Variants in CCDC57 observed in about 807,000 individuals in gnomAD.
CCDC57 encodes coiled-coil domain-containing protein 57.
In CCDC57, 118 loss-of-function variants were observed where a neutral mutation model predicts 118.9. That is an observed-to-expected ratio of 0.99 (90% confidence interval 0.86 to 1.16). The LOEUF (loss-of-function observed/expected upper bound fraction) is 1.16, where lower values mean the gene tolerates loss of function less well. Among genes scored for constraint, CCDC57 ranks in the 50% most tolerant of loss-of-function variants. The pLI is 0.00. For missense variants in CCDC57, 1,300 were observed against 1,320.7 expected (o/e 0.98, Z 0.24); for synonymous variants, 527 against 532.9 (o/e 0.99, Z 0.15).
chr17:82,132,594 T>A lies in CCDC57; in HGVS notation c.2577+1479A>T, dbSNP rs138167448. 5.3e-3 allele frequency among the ~76,000 whole-genome samples: 804 copies of A among 152,154 alleles called. 10 individuals are homozygous for A. Among genetic ancestry groups the A allele is most frequent in the African/African-American group, 0.018 (758 of 41,480 alleles). ...TATAAGAAATTTCCTTCCTTCTTTG[T>A]TTTTTGGTAGAGACGGGGTCTCGCT... On this transcript the variant is annotated intron_variant, in intron 17 of 19. Coordinates refer to ENST00000665763, the Ensembl canonical transcript of CCDC57.
At chr17:82,129,963 G>A (rs9889327) in intron 17 of CCDC57, among the ~76,000 whole-genome samples, 70,779 of 151,526 alleles carry the variant, frequency 0.47, 17,297 homozygotes, top group East Asian at 0.88. Context: ...TTGGGAGGCC[G>A]AGGTGGAAGA....
intron 19 of CCDC57, among the ~76,000 whole-genome samples, chr17:82,121,410 C>T (rs1480534188): frequency 6.6e-6 from 1 of 152,188 alleles, no homozygotes; most frequent in South Asian, 2.1e-4. Context: ...CATGACCTCA[C>T]TCACAGGGCT....
At chr17:82,150,409 A>G (rs2041789371) in intron 16 of CCDC57, among the ~76,000 whole-genome samples, 2 of 145,298 alleles carry the variant, frequency 1.4e-5, no homozygotes, top group Non-Finnish European at 3.0e-5. Flanking sequence ...AACCAGGCGC[A>G]CACCCAGAAC....
At position 82,121,110 on chromosome 17, in the gene CCDC57, G is replaced by A. The variant is rs2036619070; in HGVS notation, c.2899+6582C>T. 2.0e-5 allele frequency among the ~76,000 whole-genome samples: 3 copies of A among 152,292 alleles called. No homozygotes were observed. The South Asian group carries it at 6.2e-4, about 32-fold the overall frequency. On this transcript the variant is annotated intron_variant, in intron 19 of 19. Coordinates refer to ENST00000665763, the Ensembl canonical transcript of CCDC57. The stretch of plus-strand genomic sequence containing the variant: ...GCTAAGAAATACCAGCCGTTGCCAG[G>A]CATGGTGGCTCCCGCCTGTAATCCC...
At chr17:82,124,355 G>T (rs2037133772) in intron 19 of CCDC57, among the ~76,000 whole-genome samples, 1 of 151,786 alleles carries the variant, frequency 6.6e-6, no homozygotes, top group Non-Finnish European at 1.5e-5. Context: ...GAGAGAAGCT[G>T]TATCAGCTGT....
chr17:82,141,148 T>G (rs1429863130), intron 16 of CCDC57, among the ~76,000 whole-genome samples: 1 of 149,956 alleles, frequency 6.7e-6, no homozygotes, highest in Non-Finnish European at 1.5e-5. Flanking sequence ...GTAGCTGGGA[T>G]GACAGGCACG....
At chr17:82,123,781 G>C (rs2037052251) in intron 19 of CCDC57, among the ~76,000 whole-genome samples, 1 of 152,066 alleles carries the variant, frequency 6.6e-6, no homozygotes, top group Non-Finnish European at 1.5e-5. Flanking sequence ...AGCAAAATGA[G>C]TTGAGTTATA....
At chr17:82,198,269 C>G in intron 4 of CCDC57, 45 bp downstream of exon 3, 1 of 1,146,342 alleles carries the variant, frequency 8.7e-7, no homozygotes, top group Non-Finnish European at 1.3e-6. Context: ...TCACAGTGGG[C>G]AGGCAGGGAA....
At chr17:82,112,045 C>G (rs554875030) in intron 19 of CCDC57, 2 of 152,502 alleles carry the variant, frequency 1.3e-5, no homozygotes, top group East Asian at 3.9e-4. Context: ...GCGATCTCGG[C>G]TCACTGCAAC....
chr17:82,116,844 C>G (rs1463157408), intron 19 of CCDC57, among the ~76,000 whole-genome samples: 1 of 152,182 alleles, frequency 6.6e-6, no homozygotes, highest in African/African-American at 2.4e-5. Context: ...GCAGCCCTCC[C>G]TCTGGTCTCC....
At position 82,181,701 on chromosome 17, in the gene CCDC57, AG is replaced by A. The variant is rs1399107901; in HGVS notation, c.1211+2072del. Among the ~76,000 whole-genome samples, 3 of 152,286 alleles carry A rather than the reference AG, an allele frequency of 2.0e-5. No individual in the cohort carries two copies. In the South Asian group the frequency reaches 6.2e-4, roughly 32 times the overall value. ...ATTACAAATAAGTTCAGAGATTTAA[AG>A]GCAACCGTGCACATAATGAGGAGAG... On this transcript the variant is annotated intron_variant, in intron 9 of 19. Transcript: ENST00000665763.
chr17:82,120,256 G>A (rs1436242830), intron 19 of CCDC57, among the ~76,000 whole-genome samples: 1 of 151,698 alleles, frequency 6.6e-6, no homozygotes, highest in African/African-American at 2.4e-5. Context: ...CTCCCAAAGT[G>A]CTGGGTTTAC....
intron 9 of CCDC57, among the ~76,000 whole-genome samples, chr17:82,181,023 G>A (rs1230446479): frequency 1.3e-5 from 2 of 152,202 alleles, no homozygotes; most frequent in African/African-American, 2.4e-5. Flanking sequence ...CCGGATCCCC[G>A]CAGGGACGGC....
intron 7 of CCDC57, among the ~76,000 whole-genome samples, chr17:82,189,434 T>C (rs967295739): frequency 6.6e-6 from 1 of 152,178 alleles, no homozygotes; most frequent in African/African-American, 2.4e-5. Flanking sequence ...CTAACCCTAC[T>C]GGGACTGAGA....
At position 82,179,209 on chromosome 17, in the gene CCDC57, C is replaced by T. The variant is rs777316633; in HGVS notation, c.1212-20G>A. 2 of 1,607,856 alleles carry T rather than the reference C, an allele frequency of 1.2e-6. No individual in the cohort carries two copies. Among genetic ancestry groups the T allele is most frequent in the South Asian group, 1.1e-5 (1 of 90,280 alleles). ...TTGTACCTAAGGACACGTCCAACCG[C>T]TCAGCATTAATGCTTCCTGAGGTCC... On this transcript the variant is annotated intron_variant, in intron 9 of 19. Transcript: ENST00000665763.
In CCDC57 at chr17:82,151,207, A is replaced by G. The variant is rs559617492; in HGVS notation, c.2455+353T>C. On this transcript the variant is annotated intron_variant, in intron 16 of 19. Coordinates refer to ENST00000665763, the Ensembl canonical transcript of CCDC57. ...CACACCCAGAACCAGGCGCACATCC[A>G]GAACCTGACCCACACCCAGAACCTG... 1.5e-4 allele frequency among the ~76,000 whole-genome samples: 22 copies of G among 143,730 alleles called. 1 individual carries two copies. The highest frequency in any genetic ancestry group is 8.4e-4 in the Admixed American group (12 of 14,248). 94.3% of individuals were successfully genotyped at this position (143,730 alleles called of 152,430 possible).
intron 16 of CCDC57, chr17:82,134,443 C>G: frequency 2.8e-6 from 1 of 352,422 alleles, no homozygotes; most frequent in African/African-American, 2.1e-5. Context: ...GCGGGGGCAG[C>G]AAGCACATTC....
At chr17:82,187,011 G>A (rs2047006451) in intron 8 of CCDC57, among the ~76,000 whole-genome samples, 1 of 152,018 alleles carries the variant, frequency 6.6e-6, no homozygotes, top group African/African-American at 2.4e-5. Flanking sequence ...GGCCGAGGCA[G>A]GGGGATCACA....
At chr17:82,171,150 C>T (rs559569069) in intron 13 of CCDC57, among the ~76,000 whole-genome samples, 3 of 146,178 alleles carry the variant, frequency 2.1e-5, no homozygotes, top group African/African-American at 7.6e-5. Flanking sequence ...AGCCAGGGCA[C>T]GTGGGCTCCG....
Sources: gnomAD v4.1 joint callset for allele counts (sites outside exome capture counted in the v4.1 genomes callset) on GRCh38, gnomAD v4.1.1 for gene constraint, MANE v1.5 for transcripts, NCBI Gene and HGNC (gene_info 2026-07-23, HGNC 2026-07-21) for gene names.